CDK17: variants seen among roughly 807,000 people sequenced by gnomAD.
The protein encoded by CDK17 is cyclin dependent kinase 17.
CDK17 carries 24 observed loss-of-function variants against 77.6 expected under a neutral mutation model. The ratio of observed to expected loss-of-function variants is 0.31; its 90% confidence interval spans 0.22 to 0.44. CDK17 has a LOEUF of 0.44. CDK17 is among the 20% of genes least tolerant of loss of function. The pLI, the probability that CDK17 is intolerant of heterozygous loss-of-function variation, is 1.00. For synonymous variants in CDK17, 203 were observed against 210.4 expected (o/e 0.96, Z 0.30); for missense variants, 429 against 622.5 (o/e 0.69, Z 3.31).
At chr12:96,289,550 T>C (rs1952293221) in intron 10 of CDK17, among the ~76,000 whole-genome samples, 1 of 152,230 alleles carries the variant, frequency 6.6e-6, no homozygotes, top group Non-Finnish European at 1.5e-5. Flanking sequence ...TGAAGTATTC[T>C]GGGTGAATCT....
intron 5 of CDK17, among the ~76,000 whole-genome samples, chr12:96,302,674 TA>T (rs1477595252): frequency 6.6e-6 from 1 of 152,186 alleles, no homozygotes; most frequent in African/African-American, 2.4e-5. Context: ...GAAATTTTCT[TA>T]TTAATCCTTT....
chr12:96,289,475 A>G (rs1952291815), intron 10 of CDK17, among the ~76,000 whole-genome samples, 188 bp from the exon 11 acceptor site: 1 of 152,196 alleles, frequency 6.6e-6, no homozygotes, highest in Admixed American at 6.5e-5. Flanking sequence ...ATCCTTACAT[A>G]GTTGAACTAA....
chr12:96,367,952 G>A (rs575206431), intron 1 of CDK17, among the ~76,000 whole-genome samples: 1 of 151,954 alleles, frequency 6.6e-6, no homozygotes, highest in South Asian at 2.1e-4. Context: ...ATTTAAAAAC[G>A]TATACATCAA....
At chr12:96,384,477 T>G (rs535837813) in intron 1 of CDK17, among the ~76,000 whole-genome samples, 1 of 152,184 alleles carries the variant, frequency 6.6e-6, no homozygotes, top group South Asian at 2.1e-4. Flanking sequence ...GGCGGCACTA[T>G]TCACAATAGC....
chr12:96,391,537 C>T (rs1954068209), intron 1 of CDK17, among the ~76,000 whole-genome samples: 1 of 152,058 alleles, frequency 6.6e-6, no homozygotes, highest in Admixed American at 6.6e-5. Context: ...GTGATCTGAC[C>T]GCCTTGGCCT....
intron 1 of CDK17, among the ~76,000 whole-genome samples, chr12:96,397,691 G>T (rs1245611638): frequency 6.6e-6 from 1 of 151,880 alleles, no homozygotes; most frequent in Non-Finnish European, 1.5e-5. Context: ...CTACTTTTTG[G>T]TAGATTTCCA....
chr12:96,390,474 C>T (rs1272821983), intron 1 of CDK17, among the ~76,000 whole-genome samples: 6 of 148,662 alleles, frequency 4.0e-5, no homozygotes, highest in African/African-American at 7.3e-5. Flanking sequence ...TTTGGGAGGC[C>T]TAGGTGGGTG....
At chr12:96,280,342 T>C (rs1163322553) in intron 16 of CDK17, 63 bp from the exon 17 acceptor site, 6 of 1,538,302 alleles carry the variant, frequency 3.9e-6, no homozygotes, top group East Asian at 2.5e-5. Context: ...ATACAGTTAT[T>C]TGGTGACTAG....
chr12:96,398,860 T>C (rs995224934), intron 1 of CDK17, among the ~76,000 whole-genome samples: 1 of 152,168 alleles, frequency 6.6e-6, no homozygotes, highest in African/African-American at 2.4e-5. Flanking sequence ...ACGAGGTGTC[T>C]TTGGTGGACA....
chr12:96,399,375 A>C (rs957797679), intron 1 of CDK17: 2 of 152,198 alleles, frequency 1.3e-5, no homozygotes, highest in East Asian at 3.9e-4. Context: ...CCGGGGTGTG[A>C]CCCGCCAGCA....
intron 2 of CDK17, among the ~76,000 whole-genome samples, chr12:96,327,838 T>C (rs1284655348): frequency 6.6e-6 from 1 of 152,132 alleles, no homozygotes; most frequent in Non-Finnish European, 1.5e-5. Flanking sequence ...TGAGCCACCA[T>C]GCCTAGCCCC....
At chr12:96,342,075 A>C (rs936095225) in intron 1 of CDK17, among the ~76,000 whole-genome samples, 5 of 152,218 alleles carry the variant, frequency 3.3e-5, no homozygotes, top group Admixed American at 1.3e-4. Context: ...AAAATCTAGG[A>C]TTTATTGGGA....
intron 1 of CDK17, among the ~76,000 whole-genome samples, chr12:96,338,785 A>G (rs1458026591): frequency 2.1e-5 from 3 of 145,826 alleles, no homozygotes; most frequent in Non-Finnish European, 4.5e-5. Context: ...TTTTTTTTTT[A>G]ATTTTTAAAA....
At chr12:96,352,328 G>A (rs929289253) in intron 1 of CDK17, among the ~76,000 whole-genome samples, 4 of 152,048 alleles carry the variant, frequency 2.6e-5, no homozygotes, top group African/African-American at 9.7e-5. Flanking sequence ...GAAGGTGGCA[G>A]GGTATTAGTT....
At chr12:96,368,261 T>C (rs527255353) in intron 1 of CDK17, among the ~76,000 whole-genome samples, 1 of 152,364 alleles carries the variant, frequency 6.6e-6, no homozygotes, top group Non-Finnish European at 1.5e-5. Context: ...TCACAATCTT[T>C]AGATGTGGCT....
intron 2 of CDK17, among the ~76,000 whole-genome samples, chr12:96,334,253 T>C (rs1953010576): frequency 6.6e-6 from 1 of 152,214 alleles, no homozygotes; most frequent in African/African-American, 2.4e-5. Context: ...CTCTTTTTAT[T>C]TTAACATCTG....
Position 96,295,132 on chromosome 12 carries a change from C to A in CDK17, c.874-10G>T. The A allele has an allele frequency of 6.3e-7, 1 of 1,585,530 alleles. No homozygotes were observed. ...TTTGGTACAGAAACAGCTACAGAAACAAATAAATAAAAATTAGTCTTAAAG... is the reference window on the plus strand; with the variant it reads ...TTTGGTACAGAAACAGCTACAGAAAAAAATAAATAAAAATTAGTCTTAAAG... On this transcript the variant is annotated splice_polypyrimidine_tract_variant and intron_variant, in intron 9 of 16. Transcript: ENST00000261211.
At chr12:96,338,437 G>T (rs1172893059) in intron 1 of CDK17, among the ~76,000 whole-genome samples, 1 of 152,184 alleles carries the variant, frequency 6.6e-6, no homozygotes, top group East Asian at 1.9e-4. Flanking sequence ...TGGTCTTGGG[G>T]ATTCCCAACG....
At chr12:96,301,019 A>C (rs1336377785) in intron 5 of CDK17, among the ~76,000 whole-genome samples, 1 of 152,210 alleles carries the variant, frequency 6.6e-6, no homozygotes, top group Non-Finnish European at 1.5e-5. Flanking sequence ...CTTTTTAACA[A>C]AATTGCAAAA....
Sources: gnomAD v4.1 joint callset for allele counts (sites outside exome capture counted in the v4.1 genomes callset) on GRCh38, gnomAD v4.1.1 for gene constraint, MANE v1.5 for transcripts, NCBI Gene and HGNC (gene_info 2026-07-23, HGNC 2026-07-21) for gene names.